LDB3: variants seen among roughly 807,000 people sequenced by gnomAD.
The protein encoded by LDB3 is LIM domain binding 3.
LDB3 carries 49 observed loss-of-function variants against 69.0 expected under a neutral mutation model. The observed-to-expected ratio is 0.71, with a 90% confidence interval of 0.56 to 0.90. The LOEUF is 0.90. Among genes scored for constraint, LDB3 ranks in the 40% least tolerant of loss-of-function variants. The probability of loss-of-function intolerance (pLI) is 0.00; values close to 1 mark genes in which losing one functional copy is unlikely to be tolerated. For missense variants in LDB3, 928 were observed against 974.1 expected, an observed-to-expected ratio of 0.95 and a Z score of 0.63; for synonymous variants, 387 against 396.2, an observed-to-expected ratio of 0.98 and a Z score of 0.28.
At chr10:86,688,594 C>T (rs560834923) in intron 5 of LDB3, among the ~76,000 whole-genome samples, 1 of 152,318 alleles carries the variant, frequency 6.6e-6, no homozygotes, top group East Asian at 1.9e-4. Flanking sequence ...TGAATTCCAT[C>T]ATTCAAAGCA....
chr10:86,677,553 A>C (rs916125218), intron 2 of LDB3, among the ~76,000 whole-genome samples: 2 of 152,148 alleles, frequency 1.3e-5, no homozygotes. Flanking sequence ...TGACATCCCA[A>C]GTAATGTCCC....
At chr10:86,713,107 A>G (rs1426845217) in intron 9 of LDB3, among the ~76,000 whole-genome samples, 1 of 151,878 alleles carries the variant, frequency 6.6e-6, no homozygotes, top group Non-Finnish European at 1.5e-5. Flanking sequence ...AATCAATATA[A>G]AATAATTATT....
intron 12 of LDB3, among the ~76,000 whole-genome samples, chr10:86,724,181 C>A (rs1369129213): frequency 2.0e-5 from 3 of 152,102 alleles, no homozygotes; most frequent in Admixed American, 6.5e-5. Flanking sequence ...CGTGGTGGCA[C>A]ATGCCTGCAA....
chr10:86,701,174 C>A (rs542723058), intron 7 of LDB3, among the ~76,000 whole-genome samples: 1 of 152,354 alleles, frequency 6.6e-6, no homozygotes, highest in South Asian at 2.1e-4. Context: ...GCCTTCATCC[C>A]GCTGCCTTCA....
chr10:86,711,660 C>T (rs1314542085), intron 9 of LDB3, among the ~76,000 whole-genome samples: 5 of 151,730 alleles, frequency 3.3e-5, no homozygotes, highest in African/African-American at 4.8e-5. Flanking sequence ...CGCAGCTCCC[C>T]CCGGGGCCTC....
intron 10 of LDB3, 55 bp from the exon 11 acceptor site, chr10:86,717,909 T>C (rs1243235761): frequency 1.3e-5 from 20 of 1,551,810 alleles, no homozygotes; most frequent in East Asian, 2.2e-5. Context: ...TCTTCAAATA[T>C]CTAATTCCAA....
At chr10:86,673,958 T>C (rs2803563) in intron 2 of LDB3, among the ~76,000 whole-genome samples, 69,584 of 152,020 alleles carry the variant, frequency 0.46, 16,205 homozygotes, top group Non-Finnish European at 0.5. Flanking sequence ...GCCTCACTGG[T>C]GCCTTCTTTC....
intron 5 of LDB3, among the ~76,000 whole-genome samples, chr10:86,682,251 C>T (rs936173353): frequency 2.0e-5 from 3 of 152,180 alleles, no homozygotes; most frequent in East Asian, 1.9e-4. Context: ...GGTGGAAAAG[C>T]GAGTTATCTG....
At chr10:86,669,614 A>C (rs919197133) in intron 2 of LDB3, among the ~76,000 whole-genome samples, 1 of 152,220 alleles carries the variant, frequency 6.6e-6, no homozygotes, top group African/African-American at 2.4e-5. Context: ...CCCAGACCGT[A>C]GTAGGCACTC....
At position 86,699,764 on chromosome 10, in the gene LDB3, A is replaced by T; in HGVS notation, c.897-6767A>T. 1 of 1,092,238 alleles carries T rather than the reference A, an allele frequency of 9.2e-7. No homozygotes were observed. Among genetic ancestry groups the T allele is most frequent in the Non-Finnish European group, 1.1e-6 (1 of 892,556 alleles). 67.7% of individuals were successfully genotyped at this position (1,092,238 alleles called of 1,614,324 possible). A position where few individuals can be genotyped will look rare whatever the true frequency, so the allele number is the denominator to read the frequency against. On this transcript the variant is annotated intron_variant, in intron 7 of 13. Coordinates refer to ENST00000361373, the MANE Select transcript of LDB3 (RefSeq NM_007078.3). This position sits in a 1 kb window ranked among gnomAD's most constrained non-coding sequence, Gnocchi z 4.9. ...CCCACCATCCTCAGCTCCTGGCCTCATCCCCTCCTAGAATGAGTCACCCGT... is the reference window on the plus strand; with the variant it reads ...CCCACCATCCTCAGCTCCTGGCCTCTTCCCCTCCTAGAATGAGTCACCCGT...
At chr10:86,721,434 A>T (rs1212412292) in intron 12 of LDB3, among the ~76,000 whole-genome samples, 1 of 152,218 alleles carries the variant, frequency 6.6e-6, no homozygotes, top group Non-Finnish European at 1.5e-5. Flanking sequence ...TGACATCTGC[A>T]TATAAAGAAG....
intron 8 of LDB3, among the ~76,000 whole-genome samples, chr10:86,707,005 AAC>A (rs1395780734): frequency 6.6e-6 from 1 of 152,162 alleles, no homozygotes; most frequent in Non-Finnish European, 1.5e-5. Flanking sequence ...TGAGAGAGGT[AAC>A]AGTCTCTCTC....
intron 5 of LDB3, chr10:86,685,600 G>A: frequency 1.4e-6 from 2 of 1,457,918 alleles, no homozygotes; most frequent in East Asian, 2.3e-5. Flanking sequence ...CCAGGCTGAT[G>A]ATGGCCCCGG....
intron 9 of LDB3, among the ~76,000 whole-genome samples, chr10:86,710,829 G>T (rs958065831): frequency 2.0e-5 from 3 of 152,238 alleles, no homozygotes; most frequent in African/African-American, 7.2e-5. Context: ...AGCGGCTTTT[G>T]CCCGAGACAG....
chr10:86,706,637 C>A lies in LDB3; in HGVS notation c.1003C>A (p.Pro335Thr). The stretch of plus-strand genomic sequence containing the variant: ...TGCCTCTCCCAGTGCGGCTTCGCCA[C>A]CCCTGGCCACAGCTGCTGCCCACAC... ...AAASPSAASP[P>T]LATAAAHTAI... Residue 335 changes from proline (P) to threonine (T), a missense_variant, in exon 8 of 14, where the codon CCC (proline) becomes ACC (threonine). Transcript: ENST00000361373. 1 of 1,613,164 alleles carries A rather than the reference C, an allele frequency of 6.2e-7. No homozygotes were observed. Among genetic ancestry groups the A allele is most frequent in the South Asian group, 1.1e-5 (1 of 91,078 alleles).
chr10:86,732,808 C>A (rs538539516), intron 13 of LDB3, 79 bp from the exon 14 acceptor site: 2 of 1,144,780 alleles, frequency 1.7e-6, no homozygotes, highest in Non-Finnish European at 2.6e-6. Flanking sequence ...CTGGCCAGGG[C>A]GTTTTCTTAA....
chr10:86,680,801 CT>C (rs528033731), intron 4 of LDB3, among the ~76,000 whole-genome samples: 14 of 152,354 alleles, frequency 9.2e-5, no homozygotes, highest in South Asian at 2.1e-4. Flanking sequence ...ACTTCTCCCC[CT>C]ATGTGAACTG....
intron 5 of LDB3, among the ~76,000 whole-genome samples, chr10:86,686,237 G>C (rs1042640349): frequency 6.6e-6 from 1 of 152,336 alleles, no homozygotes; most frequent in South Asian, 2.1e-4. Flanking sequence ...TGGAAGATCA[G>C]AGCCCTGGGC....
rs1847557137 is a variant in LDB3, at chr10:86,734,120, C to T, written c.*1144C>T. ...GTCTGCATCATCCTTTTCAAATGTTCCTTTAAATGCAGCACACTGAGTTTG... is the reference window on the plus strand; with the variant it reads ...GTCTGCATCATCCTTTTCAAATGTTTCTTTAAATGCAGCACACTGAGTTTG... On this transcript the variant is annotated 3_prime_UTR_variant, in exon 14 of 14. Transcript: ENST00000361373. 6.6e-6 allele frequency: 1 copy of T among 152,184 alleles called. No homozygotes were observed. Among genetic ancestry groups the T allele is most frequent in the Non-Finnish European group, 1.5e-5 (1 of 68,036 alleles). The allele number at this position is 152,184 out of a possible 1,614,324, so 9.4% of individuals were successfully genotyped here. A position where few individuals can be genotyped will look rare whatever the true frequency, so the allele number is the denominator to read the frequency against.
Sources: allele counts gnomAD v4.1 joint callset (sites outside exome capture counted in the v4.1 genomes callset), GRCh38; gene constraint gnomAD v4.1.1; non-coding constraint Gnocchi (gnomAD v3.1); transcripts MANE v1.5; gene names NCBI Gene and HGNC (gene_info 2026-07-23, HGNC 2026-07-21).